The following FAM107B variants were observed in gnomAD, a reference collection of about 807,000 sequenced individuals.
The protein encoded by FAM107B is protein FAM107B.
FAM107B carries 21 observed loss-of-function variants against 31.5 expected under a neutral mutation model. That is an observed-to-expected ratio of 0.67 (90% CI 0.47 to 0.96). The LOEUF (loss-of-function observed/expected upper bound fraction) is 0.96. Among genes scored for constraint, FAM107B ranks in the 40% least tolerant of loss-of-function variants. The probability of loss-of-function intolerance (pLI) is 0.00; values close to 1 mark genes in which losing one functional copy is unlikely to be tolerated. For missense variants in FAM107B, 452 were observed against 377.1 expected, an observed-to-expected ratio of 1.20 and a Z score of -1.64; for synonymous variants, 157 against 141.5, an observed-to-expected ratio of 1.11 and a Z score of -0.78.
chr10:14,617,938 A>G (rs929408368), intron 2 of FAM107B, among the ~76,000 whole-genome samples: 1 of 152,156 alleles, frequency 6.6e-6, no homozygotes, highest in African/African-American at 2.4e-5. Context: ...AGTGAAATTT[A>G]TATACAGTAA....
chr10:14,611,277 A>G (rs1007060743), intron 2 of FAM107B, among the ~76,000 whole-genome samples: 2 of 152,140 alleles, frequency 1.3e-5, no homozygotes, highest in Non-Finnish European at 2.9e-5. Flanking sequence ...CATCTCTGCA[A>G]TTAAGCAATA....
chr10:14,677,578 G>A (rs1360673055), intron 1 of FAM107B, among the ~76,000 whole-genome samples: 2 of 151,902 alleles, frequency 1.3e-5, no homozygotes, highest in Non-Finnish European at 2.9e-5. Context: ...CAGAGATGGC[G>A]CCACTGCACT....
chr10:14,728,288 G>C (rs987101130), intron 1 of FAM107B, among the ~76,000 whole-genome samples: 11 of 151,090 alleles, frequency 7.3e-5, no homozygotes, highest in African/African-American at 1.9e-4. Context: ...AGCCAGCAAC[G>C]ATCTTTCTCC....
chr10:14,565,603 C>CACT (rs751533471), intron 2 of FAM107B, among the ~76,000 whole-genome samples: 1 of 152,320 alleles, frequency 6.6e-6, no homozygotes, highest in East Asian at 1.9e-4. Context: ...ATAAAGGATG[C>CACT]ACTGACATAG....
At chr10:14,737,430 C>T (rs1336860072) in intron 1 of FAM107B, among the ~76,000 whole-genome samples, 7 of 151,932 alleles carry the variant, frequency 4.6e-5, no homozygotes, top group East Asian at 1.9e-4. Context: ...CTGGGCAACA[C>T]AGTGAGACCC....
chr10:14,753,947 T>C (rs1211383083), intron 1 of FAM107B, among the ~76,000 whole-genome samples: 1 of 150,880 alleles, frequency 6.6e-6, no homozygotes, highest in African/African-American at 2.4e-5. Flanking sequence ...TTTTTCTTTT[T>C]TTTTTTTTTT....
chr10:14,603,980 C>A (rs1852495064), intron 2 of FAM107B, among the ~76,000 whole-genome samples: 1 of 147,922 alleles, frequency 6.8e-6, no homozygotes, highest in Non-Finnish European at 1.5e-5. Flanking sequence ...GGCCCCTTCC[C>A]CGCAGCGGCC....
intron 2 of FAM107B, among the ~76,000 whole-genome samples, chr10:14,626,569 G>C (rs1853170311): frequency 6.8e-6 from 1 of 148,054 alleles, no homozygotes; most frequent in African/African-American, 2.5e-5. Context: ...AGTGGCGTGA[G>C]CTCGACTCAC....
chr10:14,662,265 C>A (rs1854262650), intron 2 of FAM107B, among the ~76,000 whole-genome samples: 1 of 152,146 alleles, frequency 6.6e-6, no homozygotes, highest in Admixed American at 6.5e-5. Flanking sequence ...ACGGAGTCTT[C>A]ATTGACTGCT....
intron 1 of FAM107B, among the ~76,000 whole-genome samples, chr10:14,734,354 G>A (rs1247817208): frequency 6.6e-6 from 1 of 152,060 alleles, no homozygotes; most frequent in Non-Finnish European, 1.5e-5. Context: ...TGACCTATAG[G>A]GAGTTGGAAG....
chr10:14,560,203 A>T (rs905161118), intron 2 of FAM107B, among the ~76,000 whole-genome samples: 7 of 148,244 alleles, frequency 4.7e-5, no homozygotes, highest in African/African-American at 1.5e-4. Flanking sequence ...TGGGTGGCTT[A>T]TTTTTTTTTT....
chr10:14,765,177 A>G (rs1833137952), intron 1 of FAM107B, among the ~76,000 whole-genome samples: 1 of 152,246 alleles, frequency 6.6e-6, no homozygotes, highest in Non-Finnish European at 1.5e-5. Flanking sequence ...TGGAAATGCA[A>G]TGGTAACCTC....
At chr10:14,541,394 T>C (rs1848182841) in intron 2 of FAM107B, among the ~76,000 whole-genome samples, 1 of 152,152 alleles carries the variant, frequency 6.6e-6, no homozygotes, top group South Asian at 2.1e-4. Context: ...GGTTCTTAAC[T>C]CTCTGGCATC....
chr10:14,566,879 C>T (rs922130539), intron 2 of FAM107B, among the ~76,000 whole-genome samples: 20 of 152,126 alleles, frequency 1.3e-4, no homozygotes, highest in Admixed American at 7.2e-4. Context: ...GGGCCGGGCG[C>T]GGTGGCTCAC....
At chr10:14,754,646 G>T (rs1832893810) in intron 1 of FAM107B, among the ~76,000 whole-genome samples, 2 of 152,202 alleles carry the variant, frequency 1.3e-5, no homozygotes, top group African/African-American at 4.8e-5. Context: ...GGAAGGAGCT[G>T]GTCTTCGGTG....
intron 2 of FAM107B, among the ~76,000 whole-genome samples, chr10:14,559,468 C>CA (rs35061654): frequency 0.04 from 4,464 of 112,610 alleles, 212 homozygotes; most frequent in African/African-American, 0.13. Context: ...GGTTCTCTTA[C>CA]AAAAAAAAAA....
At chr10:14,667,885 T>A (rs540771361) in intron 1 of FAM107B, among the ~76,000 whole-genome samples, 194 bp from the exon 2 acceptor site, 1 of 151,160 alleles carries the variant, frequency 6.6e-6, no homozygotes, top group East Asian at 2.0e-4. Context: ...GTAGAGTAAC[T>A]ACAGGGGCGT....
At chr10:14,746,213 T>C (rs1832724637) in intron 1 of FAM107B, among the ~76,000 whole-genome samples, 1 of 152,220 alleles carries the variant, frequency 6.6e-6, no homozygotes, top group Non-Finnish European at 1.5e-5. Flanking sequence ...ATAGGTCTCT[T>C]GAATCAGCAC....
At chr10:14,547,971 C>A (rs1022820645) in intron 2 of FAM107B, among the ~76,000 whole-genome samples, 2 of 152,222 alleles carry the variant, frequency 1.3e-5, no homozygotes, top group Non-Finnish European at 2.9e-5. Context: ...GGCCCCGGCC[C>A]TTTTAATTAA....
Sources: gnomAD v4.1 joint callset for allele counts (sites outside exome capture counted in the v4.1 genomes callset) on GRCh38, gnomAD v4.1.1 for gene constraint, MANE v1.5 for transcripts, NCBI Gene and HGNC (gene_info 2026-07-23, HGNC 2026-07-21) for gene names.